Variants in MARS1 observed in about 807,000 individuals in gnomAD.
MARS1 encodes methionyl-tRNA synthetase 1.
MARS1 carries 80 observed loss-of-function variants against 119.5 expected under a neutral mutation model. That is an observed-to-expected ratio of 0.67 (90% CI 0.56 to 0.81). The LOEUF (loss-of-function observed/expected upper bound fraction) is 0.81, where lower values mean the gene tolerates loss of function less well. MARS1 is among the 30% of genes least tolerant of loss of function. The pLI, the probability that MARS1 is intolerant of heterozygous loss-of-function variation, is 0.00. For missense variants in MARS1, 945 were observed against 1,116.5 expected (o/e 0.85, Z 2.19); for synonymous variants, 418 against 433.4 (o/e 0.96, Z 0.44).
At chr12:57,510,006 G>C (rs1435681899) in intron 11 of MARS1, among the ~76,000 whole-genome samples, 1 of 151,930 alleles carries the variant, frequency 6.6e-6, no homozygotes, top group Non-Finnish European at 1.5e-5. Context: ...ATAGCCAAGT[G>C]TGTTCAAACA....
In MARS1 at chr12:57,498,602, C is replaced by T; in HGVS notation, c.1070C>T (p.Thr357Ile). The change falls in exon 9 of 21, where the codon ACC becomes ATC. Residue 357 changes from threonine (T) to isoleucine (I), a missense_variant. Coordinates refer to ENST00000262027, the MANE Select transcript of MARS1 (RefSeq NM_004990.4). ...ATTTCGTTTGATATTTTTGGTCGCA[C>T]CACCACTCCACAGCAGACCAAGTAA... is the stretch of plus-strand genomic sequence containing the variant. ...FNISFDIFGR[T>I]TTPQQTKITQ... 6.2e-7 allele frequency: 1 copy of T among 1,614,158 alleles called. No individual in the cohort carries two copies. The highest frequency in any genetic ancestry group is 8.5e-7 in the Non-Finnish European group (1 of 1,180,024).
rs55826438 is a variant in MARS1 at position 57,493,416 on chromosome 12, AT to A, written c.770+2774del. 6.9e-5 allele frequency among the ~76,000 whole-genome samples: 3 copies of A among 43,258 alleles called. 1 individual carries two copies. The highest frequency in any genetic ancestry group is 1.1e-4 in the African/African-American group (1 of 9,160). 28.4% of individuals were successfully genotyped at this position (43,258 alleles called of 152,430 possible). On this transcript the variant is annotated intron_variant, in intron 7 of 20. Coordinates refer to ENST00000262027, the MANE Select transcript of MARS1 (RefSeq NM_004990.4). ...ATATATAATATATGTTATATAATATATTATATGATATGTATAATATATTACA... is the reference window on the plus strand; with the variant it reads ...ATATATAATATATGTTATATAATATATATATGATATGTATAATATATTACA...
chr12:57,491,970 T>C (rs979808514), intron 7 of MARS1, among the ~76,000 whole-genome samples: 2 of 152,262 alleles, frequency 1.3e-5, no homozygotes, highest in South Asian at 2.1e-4. Context: ...GTCACACAAA[T>C]GTAGAATTAC....
chr12:57,515,244 A>G lies in MARS1; in HGVS notation c.2299A>G (p.Ile767Val), dbSNP rs1303166803. The change falls in exon 18 of 21, where the codon ATC becomes GTC. Residue 767 changes from isoleucine to valine, a missense_variant. Transcript: ENST00000262027. ...QPYMPTVSAT[I>V]QAQLQLPPPA... ...TTACATGCCCACGGTTAGTGCCACAATCCAGGCCCAGCTGCAGCTCCCACC... is the reference window on the plus strand; with the variant it reads ...TTACATGCCCACGGTTAGTGCCACAGTCCAGGCCCAGCTGCAGCTCCCACC... 2 of 1,614,054 alleles carry G rather than the reference A, an allele frequency of 1.2e-6. No homozygotes were observed. Among genetic ancestry groups the G allele is most frequent in the Non-Finnish European group, 8.5e-7 (1 of 1,180,020 alleles).
Position 57,495,553 on chromosome 12 carries a change from A to T in MARS1, c.771-2604A>T, listed in dbSNP as rs1235528897. Among the ~76,000 whole-genome samples the T allele has an allele frequency of 2.7e-5, 4 of 147,690 alleles. No homozygotes were observed. In the East Asian group the frequency reaches 8.1e-4, roughly 30 times the overall value. ...GGCAGAGGGGCTCCTCACATCCCAG[A>T]CGATGGGCAGCCAGGCTGAGACGCT... is the stretch of plus-strand genomic sequence containing the variant. On this transcript the variant is annotated intron_variant, in intron 7 of 20. Coordinates refer to ENST00000262027, the MANE Select transcript of MARS1 (RefSeq NM_004990.4).
At position 57,498,453 on chromosome 12, in the gene MARS1, TCTGTGTGGGA is replaced by T; in HGVS notation, c.923_932del (p.Leu308GlnfsTer17). 1 of 1,614,096 alleles carries T rather than the reference TCTGTGTGGGA, an allele frequency of 6.2e-7. No homozygotes were observed. Among genetic ancestry groups the T allele is most frequent in the East Asian group, 2.2e-5 (1 of 44,880 alleles). The stretch of plus-strand genomic sequence containing the variant: ...GCCTCCGCCAGTGGAACACCCTCTA[TCTGTGTGGGA>T]CAGATGAGTATGGTACAGCAACAGA... On this transcript the variant is annotated frameshift_variant, in exon 9 of 21. Transcript: ENST00000262027. LOFTEE classifies it high-confidence loss of function.
chr12:57,513,635 G>C (rs61935708), intron 15 of MARS1, among the ~76,000 whole-genome samples: 2 of 147,880 alleles, frequency 1.4e-5, no homozygotes, highest in South Asian at 4.2e-4. Flanking sequence ...AAAAAAAAAG[G>C]CTTCTGCTAT....
chr12:57,511,391 C>G (rs1014789802), intron 11 of MARS1, among the ~76,000 whole-genome samples: 9 of 152,048 alleles, frequency 5.9e-5, no homozygotes, highest in Admixed American at 1.3e-4. Context: ...CAAGACCAGC[C>G]TGGGCAATGT....
intron 7 of MARS1, 70 bp downstream of exon 7, chr12:57,490,714 G>C: frequency 7.8e-7 from 1 of 1,275,818 alleles, no homozygotes; most frequent in Non-Finnish European, 1.1e-6. Context: ...GCCAGAACCT[G>C]CCTGCTAGGT....
chr12:57,503,550 CT>C (rs1157697922), intron 10 of MARS1, among the ~76,000 whole-genome samples: 336 of 140,148 alleles, frequency 2.4e-3, no homozygotes, highest in Middle Eastern at 3.8e-3. Flanking sequence ...TGTCTTTTTC[CT>C]TTTTTTTTTT....
intron 11 of MARS1, among the ~76,000 whole-genome samples, chr12:57,507,905 G>A (rs1470999544): frequency 1.3e-5 from 2 of 151,354 alleles, no homozygotes; most frequent in Non-Finnish European, 3.0e-5. Flanking sequence ...CTTCTCAGAC[G>A]GGGCGGCTGC....
rs2140037467 is a variant in MARS1 at position 57,515,088 on chromosome 12, C to T, written c.2204+30C>T. The T allele has an allele frequency of 5.0e-6, 8 of 1,613,818 alleles. No individual in the cohort carries two copies. The East Asian group carries it at 1.8e-4, about 36-fold the overall frequency. ...GTAAGCGGGGAGGGTTGGCTAAAGGCATAAAGTGGCTTGTAAGCTGTATCC... is the reference window on the plus strand; with the variant it reads ...GTAAGCGGGGAGGGTTGGCTAAAGGTATAAAGTGGCTTGTAAGCTGTATCC... On this transcript the variant is annotated intron_variant, in intron 17 of 20. Transcript: ENST00000262027.
intron 9 of MARS1, 34 bp downstream of exon 9, chr12:57,498,657 T>A: frequency 6.3e-7 from 1 of 1,597,622 alleles, no homozygotes; most frequent in Non-Finnish European, 8.6e-7. Context: ...AAATGGGGCT[T>A]GAAGGCTGAG....
At chr12:57,493,926 A>G (rs1352209641) in intron 7 of MARS1, among the ~76,000 whole-genome samples, 1 of 65,346 alleles carries the variant, frequency 1.5e-5, no homozygotes, top group Non-Finnish European at 2.6e-5. Context: ...TATATATAAT[A>G]TATATTATAT....
chr12:57,489,437 CTGCCCTG>C lies in MARS1; in HGVS notation c.295_301del (p.Ala99ThrfsTer3). On this transcript the variant is annotated frameshift_variant, in exon 4 of 21. Transcript: ENST00000262027. LOFTEE classifies it high-confidence loss of function. ...CCTGCATTTTAGCCAGCTTTGTCTG[CTGCCCTG>C]TACTATTTAGTGGTCCAAGGCAAGA... 6.2e-7 allele frequency: 1 copy of C among 1,614,158 alleles called. No homozygotes were observed. Among genetic ancestry groups the C allele is most frequent in the Non-Finnish European group, 8.5e-7 (1 of 1,180,034 alleles).
intron 5 of MARS1, 40 bp downstream of exon 5, chr12:57,490,011 T>A (rs1382399935): frequency 1.9e-6 from 3 of 1,587,928 alleles, no homozygotes; most frequent in Non-Finnish European, 2.6e-6. Flanking sequence ...AGGAGCTTGG[T>A]GTAGGGGTTA....
chr12:57,511,988 T>C lies in MARS1; in HGVS notation c.1540-20T>C, dbSNP rs922465842. On this transcript the variant is annotated intron_variant, in intron 12 of 20. Coordinates refer to ENST00000262027, the MANE Select transcript of MARS1 (RefSeq NM_004990.4). The stretch of plus-strand genomic sequence containing the variant: ...ACTTTGGATTGGTCCCTAACATGTT[T>C]ACCTCCTTCTGACCTCCAGGTATTC... 4 of 1,611,652 alleles carry C rather than the reference T, an allele frequency of 2.5e-6. No individual in the cohort carries two copies. The African/African-American group carries it at 5.3e-5, about 22-fold the overall frequency.
intron 10 of MARS1, among the ~76,000 whole-genome samples, chr12:57,503,695 C>T (rs533102688): frequency 6.6e-6 from 1 of 152,226 alleles, no homozygotes; most frequent in East Asian, 1.9e-4. Flanking sequence ...GTGCACGCCA[C>T]CATGCCCAGC....
chr12:57,508,159 C>G (rs910913465), intron 11 of MARS1, among the ~76,000 whole-genome samples: 1 of 152,014 alleles, frequency 6.6e-6, no homozygotes, highest in Admixed American at 6.6e-5. Flanking sequence ...CGGGCAGAGA[C>G]ACTCCTCACT....
Sources: allele counts gnomAD v4.1 joint callset (sites outside exome capture counted in the v4.1 genomes callset), GRCh38; gene constraint gnomAD v4.1.1; transcripts MANE v1.5; gene names NCBI Gene and HGNC (gene_info 2026-07-23, HGNC 2026-07-21).